FAM81B: variants seen among roughly 807,000 people sequenced by gnomAD.
The protein encoded by FAM81B is protein FAM81B.
A neutral mutation model predicts 58.7 loss-of-function variants in FAM81B; 60 were observed. That is an observed-to-expected ratio of 1.02 (90% CI 0.83 to 1.27). The LOEUF (loss-of-function observed/expected upper bound fraction) is 1.27. FAM81B is among the 50% of genes most tolerant of loss of function. FAM81B has a pLI of 0.00. For synonymous variants in FAM81B, 189 were observed against 179.6 expected (o/e 1.05, Z -0.42); for missense variants, 491 against 522.0 (o/e 0.94, Z 0.58).
chr5:95,430,996 T>C (rs953031749), intron 6 of FAM81B, among the ~76,000 whole-genome samples: 2 of 152,110 alleles, frequency 1.3e-5, no homozygotes, highest in Non-Finnish European at 2.9e-5. Flanking sequence ...TCTTTTTTGG[T>C]GAACTATCTG....
intron 3 of FAM81B, among the ~76,000 whole-genome samples, chr5:95,409,250 G>A (rs964729016): frequency 4.0e-5 from 6 of 151,822 alleles, no homozygotes; most frequent in Admixed American, 6.6e-5. Context: ...CCTCCACCTT[G>A]CGGGTTCAAG....
At chr5:95,415,416 T>C (rs1396142120) in intron 4 of FAM81B, among the ~76,000 whole-genome samples, 6 of 152,264 alleles carry the variant, frequency 3.9e-5, no homozygotes, top group Non-Finnish European at 7.3e-5. Flanking sequence ...TCATTTTCCA[T>C]CTGCAGGGTT....
chr5:95,408,075 T>TGAGAGAGAGAGAGAGAGAGAGAGAGA (rs10567707), intron 3 of FAM81B, among the ~76,000 whole-genome samples: 1 of 130,222 alleles, frequency 7.7e-6, no homozygotes, highest in African/African-American at 3.0e-5. Context: ...TCCCCCAAAA[T>TGAGAGAGAGAGAGAGAGAGAGAGAGA]GAGAGAGAGA....
intron 3 of FAM81B, among the ~76,000 whole-genome samples, chr5:95,396,445 G>C (rs1561288539): frequency 6.6e-6 from 1 of 152,162 alleles, no homozygotes; most frequent in African/African-American, 2.4e-5. Flanking sequence ...TATGTGAAAA[G>C]CAATACAACA....
chr5:95,442,097 C>G (rs1745380102), intron 7 of FAM81B, among the ~76,000 whole-genome samples: 1 of 152,180 alleles, frequency 6.6e-6, no homozygotes, highest in Non-Finnish European at 1.5e-5. Context: ...TTACCCAGTA[C>G]AGAGATATGT....
chr5:95,449,001 T>C (rs1279223435), intron 9 of FAM81B, among the ~76,000 whole-genome samples: 1 of 152,148 alleles, frequency 6.6e-6, no homozygotes, highest in Non-Finnish European at 1.5e-5. Flanking sequence ...AGAGGATTAA[T>C]TTGAAAGGCT....
At chr5:95,440,579 T>C (rs927651928) in intron 7 of FAM81B, 4 of 595,160 alleles carry the variant, frequency 6.7e-6, no homozygotes, top group African/African-American at 1.9e-5. Context: ...AATTACTGCA[T>C]ATAGAAGAGC....
At chr5:95,407,132 G>A (rs1762268569) in intron 3 of FAM81B, among the ~76,000 whole-genome samples, 1 of 151,884 alleles carries the variant, frequency 6.6e-6, no homozygotes. Context: ...TCATTTCTCA[G>A]GTCCTAGGCC....
At chr5:95,434,637 C>A (rs1745029698) in intron 6 of FAM81B, among the ~76,000 whole-genome samples, 1 of 152,200 alleles carries the variant, frequency 6.6e-6, no homozygotes, top group Admixed American at 6.5e-5. Context: ...CATTCTGCCT[C>A]CCACAATTTG....
chr5:95,414,049 C>T lies in FAM81B; in HGVS notation c.396C>T (p.Ala132=), dbSNP rs377368918. The T allele has an allele frequency of 1.2e-6, 2 of 1,613,976 alleles. No homozygotes were observed. Among genetic ancestry groups the T allele is most frequent in the African/African-American group, 1.3e-5 (1 of 74,902 alleles). The change falls in exon 4 of 10, where the codon GCC becomes GCT. Residue 132 remains alanine, a synonymous_variant. Coordinates refer to ENST00000283357, the MANE Select transcript of FAM81B (RefSeq NM_152548.3). ...CCATAGCTTTCCTTCTTGAACAAGC[C>T]TTCCGCATCAAGGAGGACATCTCTG... The part of the protein sequence containing the change: ...ARTIAFLLEQ[A]FRIKEDISAC...
chr5:95,417,939 G>T (rs2152764306), intron 4 of FAM81B, among the ~76,000 whole-genome samples: 1 of 152,304 alleles, frequency 6.6e-6, no homozygotes, highest in East Asian at 1.9e-4. Context: ...TTACACAAAG[G>T]TAAATATTCA....
chr5:95,430,201 A>G (rs983429122), intron 6 of FAM81B, among the ~76,000 whole-genome samples: 6 of 152,224 alleles, frequency 3.9e-5, no homozygotes, highest in South Asian at 2.1e-4. Context: ...ACAAAACTAC[A>G]TAAGAAAATA....
At chr5:95,397,205 A>G (rs1334647354) in intron 3 of FAM81B, 1 of 152,226 alleles carries the variant, frequency 6.6e-6, no homozygotes, top group Admixed American at 6.5e-5. Flanking sequence ...TGTTAGCGTT[A>G]GCCCCTTTTT....
chr5:95,415,862 C>G (rs1257505665), intron 4 of FAM81B, among the ~76,000 whole-genome samples: 2 of 152,058 alleles, frequency 1.3e-5, no homozygotes, highest in Non-Finnish European at 2.9e-5. Context: ...CATATTATAC[C>G]CCAGTAAAAT....
At chr5:95,407,586 T>G (rs1489733073) in intron 3 of FAM81B, among the ~76,000 whole-genome samples, 1 of 152,220 alleles carries the variant, frequency 6.6e-6, no homozygotes, top group African/African-American at 2.4e-5. Flanking sequence ...TGCCATATAC[T>G]AAATCCCAAA....
intron 5 of FAM81B, among the ~76,000 whole-genome samples, chr5:95,422,222 A>G (rs1252938824): frequency 1.3e-5 from 2 of 151,896 alleles, no homozygotes; most frequent in African/African-American, 4.8e-5. Flanking sequence ...AATAATACAT[A>G]TGGTTGAAAA....
chr5:95,415,616 C>G (rs1234788952), intron 4 of FAM81B, among the ~76,000 whole-genome samples: 1 of 152,152 alleles, frequency 6.6e-6, no homozygotes, highest in Admixed American at 6.6e-5. Flanking sequence ...AAGAGGCAAG[C>G]AGCCCTGTGC....
rs149828491 is a variant in FAM81B, at chr5:95,433,112, A to G, written c.787-3688A>G. Reference sequence around the variant, plus strand: ...AATTGCATGTGGTATTTTCCCTTAAATAGTTAAGAGGAGTGTATTAGTCTG... The same window carrying G: ...AATTGCATGTGGTATTTTCCCTTAAGTAGTTAAGAGGAGTGTATTAGTCTG... On this transcript the variant is annotated intron_variant, in intron 6 of 9. Transcript: ENST00000283357. 4.7e-3 allele frequency among the ~76,000 whole-genome samples: 709 copies of G among 152,218 alleles called. 5 individuals are homozygous for G. Among genetic ancestry groups the G allele is most frequent in the Middle Eastern group, 0.017 (5 of 294 alleles).
chr5:95,417,698 TG>T (rs1326276299), intron 4 of FAM81B, among the ~76,000 whole-genome samples: 6 of 152,170 alleles, frequency 3.9e-5, no homozygotes, highest in African/African-American at 1.4e-4. Context: ...AAAGAGAGCC[TG>T]GTTTGTAGTA....
Sources: allele counts gnomAD v4.1 joint callset (sites outside exome capture counted in the v4.1 genomes callset), GRCh38; gene constraint gnomAD v4.1.1; transcripts MANE v1.5; gene names NCBI Gene and HGNC (gene_info 2026-07-23, HGNC 2026-07-21).